PGR: variants seen among roughly 807,000 people sequenced by gnomAD.
PGR encodes the protein nuclear receptor subfamily 3 group C member 3.
Under a neutral mutation model 76.1 loss-of-function variants are expected in PGR, and 25 were observed. The ratio of observed to expected loss-of-function variants is 0.33; its 90% confidence interval spans 0.24 to 0.46. The LOEUF (loss-of-function observed/expected upper bound fraction) is 0.46, where lower values mean the gene tolerates loss of function less well. PGR is among the 20% of genes least tolerant of loss of function. The pLI is 1.00. For missense variants in PGR, 1,172 were observed against 1,225.3 expected (o/e 0.96, Z 0.65); for synonymous variants, 579 against 535.0 (o/e 1.08, Z -1.14).
At position 101,062,550 on chromosome 11, in the gene PGR, A is replaced by G. The variant is rs1389093164; in HGVS notation, c.2109T>C (p.His703=). The change falls in exon 4 of 8, where the codon CAT becomes CAC. Residue 703 remains histidine (H), a synonymous_variant. Coordinates refer to ENST00000325455, the MANE Select transcript of PGR (RefSeq NM_000926.4). ...SIEPDVIYAG[H]DNTKPDTSSS... is the part of the protein sequence containing the mutation. ...TGGAGGTGTCAGGTTTTGTGTTGTCATGTCCTGCATAGATCACATCTGGTT... is the reference window on the plus strand; with the variant it reads ...TGGAGGTGTCAGGTTTTGTGTTGTCGTGTCCTGCATAGATCACATCTGGTT... 6.2e-7 allele frequency: 1 copy of G among 1,614,048 alleles called. No individual in the cohort carries two copies. Among genetic ancestry groups the G allele is most frequent in the East Asian group, 2.2e-5 (1 of 44,872 alleles).
At chr11:101,103,766 A>T (rs192501279) in intron 2 of PGR, among the ~76,000 whole-genome samples, 82 of 152,320 alleles carry the variant, frequency 5.4e-4, no homozygotes, top group African/African-American at 1.9e-3. Context: ...GAAAAATTTT[A>T]AAAAATTACC....
chr11:101,077,584 T>C (rs1861169613), intron 3 of PGR, among the ~76,000 whole-genome samples: 1 of 152,026 alleles, frequency 6.6e-6, no homozygotes, highest in Non-Finnish European at 1.5e-5. Context: ...GTCTAGAAAA[T>C]AATAAATGCT....
chr11:101,087,861 A>T (rs1032880118), intron 3 of PGR, among the ~76,000 whole-genome samples: 2 of 152,124 alleles, frequency 1.3e-5, no homozygotes, highest in Non-Finnish European at 1.5e-5. Flanking sequence ...AAGATATGCA[A>T]ATCAAAGCGA....
At chr11:101,075,293 T>TCCTTACA (rs1220407531) in intron 3 of PGR, among the ~76,000 whole-genome samples, 1 of 152,122 alleles carries the variant, frequency 6.6e-6, no homozygotes, top group Non-Finnish European at 1.5e-5. Context: ...GTGGACCCCT[T>TCCTTACA]CCTTACACCT....
chr11:101,080,089 G>A (rs1415271536), intron 3 of PGR, among the ~76,000 whole-genome samples: 1 of 152,178 alleles, frequency 6.6e-6, no homozygotes, highest in Non-Finnish European at 1.5e-5. Flanking sequence ...GACGCAGGTG[G>A]ACCTGCTCGG....
chr11:101,106,720 A>T (rs514469), intron 2 of PGR, among the ~76,000 whole-genome samples: 132,072 of 152,132 alleles, frequency 0.87, 58,022 homozygotes, highest in East Asian at 0.99. Flanking sequence ...ACTGGGTATA[A>T]ACCCAGAGGA....
At chr11:101,113,947 T>C (rs1565365277) in intron 2 of PGR, among the ~76,000 whole-genome samples, 1 of 151,744 alleles carries the variant, frequency 6.6e-6, no homozygotes, top group Non-Finnish European at 1.5e-5. Context: ...CATACTTTCA[T>C]CCGCCCCCCC....
At chr11:101,066,710 C>T (rs1860729435) in intron 3 of PGR, among the ~76,000 whole-genome samples, 2 of 152,180 alleles carry the variant, frequency 1.3e-5, no homozygotes, top group Non-Finnish European at 2.9e-5. Flanking sequence ...CATTTACACA[C>T]CTGCTGCTCT....
At chr11:101,068,816 T>A (rs1172216148) in intron 3 of PGR, among the ~76,000 whole-genome samples, 1 of 152,036 alleles carries the variant, frequency 6.6e-6, no homozygotes, top group Non-Finnish European at 1.5e-5. Context: ...GCTAGCCATA[T>A]GCAGAAAACT....
In PGR at chr11:101,127,600, G is replaced by A. The variant is rs1862897714; in HGVS notation, c.1471C>T (p.Pro491Ser). The A allele has an allele frequency of 7.7e-7, 1 of 1,303,002 alleles. No individual in the cohort carries two copies. Among genetic ancestry groups the A allele is most frequent in the Admixed American group, 4.1e-5 (1 of 24,258 alleles). 80.7% of individuals were successfully genotyped at this position (1,303,002 alleles called of 1,614,324 possible). Residue 491 changes from proline (P) to serine (S), a missense_variant, in exon 1 of 8, where the codon CCG becomes TCG. Around this residue, in one of 4 missense-constraint regions of PGR, gnomAD observed 893 missense variants for 785.9 expected, o/e 1.14. Transcript: ENST00000325455. ...GAGGTGGAGGGCAGGCCGTCCCGCG[G>A]GAGCAGGCAGCCGCTCGCGCCCGGC... ...KAPGASGCLL[P>S]RDGLPSTSAS... is the part of the protein sequence containing the mutation.
chr11:101,093,206 A>C (rs551604923), intron 2 of PGR, among the ~76,000 whole-genome samples: 18 of 152,306 alleles, frequency 1.2e-4, no homozygotes, highest in African/African-American at 4.3e-4. Context: ...CACCTAATAA[A>C]GGGTAACTGT....
chr11:101,100,204 G>A (rs1043154354), intron 2 of PGR, among the ~76,000 whole-genome samples: 2 of 152,024 alleles, frequency 1.3e-5, no homozygotes, highest in Non-Finnish European at 2.9e-5. Flanking sequence ...TGCTCTTCTC[G>A]TGATCATCAT....
intron 2 of PGR, among the ~76,000 whole-genome samples, chr11:101,094,034 C>T (rs1217644598): frequency 6.6e-6 from 1 of 152,116 alleles, no homozygotes; most frequent in Non-Finnish European, 1.5e-5. Context: ...GCTTTCAAGT[C>T]TTGCTCCATC....
At chr11:101,057,971 CTG>C (rs1860352963) in intron 4 of PGR, among the ~76,000 whole-genome samples, 1 of 152,194 alleles carries the variant, frequency 6.6e-6, no homozygotes, top group Admixed American at 6.5e-5. Flanking sequence ...CTTATGCAGA[CTG>C]TGTAGAGTGA....
At position 101,062,540 on chromosome 11, in the gene PGR, T is replaced by G. The variant is rs780063640; in HGVS notation, c.2119A>C (p.Lys707Gln). The G allele has an allele frequency of 8.1e-6, 13 of 1,614,078 alleles. No individual in the cohort carries two copies. The highest frequency in any genetic ancestry group is 8.5e-6 in the Non-Finnish European group (10 of 1,179,952). Residue 707 changes from lysine to glutamine, a missense_variant, in exon 4 of 8, where the codon AAA (lysine) becomes CAA (glutamine). By Grantham distance (53) the Lys-to-Gln change is moderately conservative. This residue lies in a region of PGR where 166 missense variants were observed against 296.0 expected (regional missense o/e 0.56). Coordinates refer to ENST00000325455, the MANE Select transcript of PGR (RefSeq NM_000926.4). Reference sequence around the variant, plus strand: ...AGCAAAGAACTGGAGGTGTCAGGTTTTGTGTTGTCATGTCCTGCATAGATC... The same window carrying G: ...AGCAAAGAACTGGAGGTGTCAGGTTGTGTGTTGTCATGTCCTGCATAGATC... ...DVIYAGHDNT[K>Q]PDTSSSLLTS... is the part of the protein sequence containing the mutation.
At chr11:101,123,681 A>G (rs1021248533) in intron 2 of PGR, among the ~76,000 whole-genome samples, 1 of 152,208 alleles carries the variant, frequency 6.6e-6, no homozygotes, top group Admixed American at 6.5e-5. Flanking sequence ...AAATGTTCAT[A>G]TCTTCCATGT....
chr11:101,056,965 A>G (rs1328185785), intron 4 of PGR, among the ~76,000 whole-genome samples: 1 of 152,238 alleles, frequency 6.6e-6, no homozygotes, highest in Non-Finnish European at 1.5e-5. Context: ...TTCTTTGCAA[A>G]TCAATTCTGT....
At chr11:101,114,886 T>C (rs940956399) in intron 2 of PGR, among the ~76,000 whole-genome samples, 2 of 152,216 alleles carry the variant, frequency 1.3e-5, no homozygotes, top group Non-Finnish European at 2.9e-5. Flanking sequence ...TATTAAAATA[T>C]GCCACTACAC....
rs762681559 is a variant in PGR, at chr11:101,038,831, A to G, written c.*285T>C. ...AGTTAAAAATCCTCACCTACATGGTATGAAATAATATGGATAAGATAGTTT... is the reference window on the plus strand; with the variant it reads ...AGTTAAAAATCCTCACCTACATGGTGTGAAATAATATGGATAAGATAGTTT... On this transcript the variant is annotated 3_prime_UTR_variant, in exon 8 of 8. Coordinates refer to ENST00000325455, the MANE Select transcript of PGR (RefSeq NM_000926.4). 5 of 303,554 alleles carry G rather than the reference A, an allele frequency of 1.6e-5. No homozygotes were observed. The highest frequency in any genetic ancestry group is 3.0e-5 in the Non-Finnish European group (5 of 164,922). The allele number at this position is 303,554 out of a possible 1,614,324, so 18.8% of individuals were successfully genotyped here. A position where few individuals can be genotyped will look rare whatever the true frequency, so the allele number is the denominator to read the frequency against.
Sources: gnomAD v4.1 joint callset for allele counts (sites outside exome capture counted in the v4.1 genomes callset) on GRCh38, gnomAD v4.1.1 for gene constraint, gnomAD v4.1.1 regional missense constraint, MANE v1.5 for transcripts, NCBI Gene and HGNC (gene_info 2026-07-23, HGNC 2026-07-21) for gene names.